Variants in HIVEP3 observed in about 807,000 individuals in gnomAD.
HIVEP3 encodes transcription factor HIVEP3.
In HIVEP3, 49 loss-of-function variants were observed where a neutral mutation model predicts 152.8. The observed-to-expected ratio is 0.32, with a 90% CI of 0.26 to 0.41. The LOEUF (loss-of-function observed/expected upper bound fraction) is 0.41. HIVEP3 is among the 10% of genes least tolerant of loss of function. The pLI is 1.00. For synonymous variants in HIVEP3, 1,269 were observed against 1,289.0 expected, an observed-to-expected ratio of 0.98 and a Z score of 0.33; for missense variants, 2,790 against 3,103.3, an observed-to-expected ratio of 0.90 and a Z score of 2.40.
At chr1:41,691,489 G>A (rs912681180) in intron 2 of HIVEP3, among the ~76,000 whole-genome samples, 4 of 152,208 alleles carry the variant, frequency 2.6e-5, no homozygotes, top group Non-Finnish European at 5.9e-5. Context: ...AGGTGATTAG[G>A]TTCTGGGGAC....
chr1:41,875,398 C>A (rs1644152569), intron 1 of HIVEP3, among the ~76,000 whole-genome samples: 1 of 152,256 alleles, frequency 6.6e-6, no homozygotes, highest in Non-Finnish European at 1.5e-5. Context: ...TGCAAAACAG[C>A]CTTCCAACTG....
rs550256445 is a variant in HIVEP3 at position 41,575,345 on chromosome 1, C to A, written c.5207+199G>T. ...AAATACCCAGCATCACCCATCCCCACCAAGAAGCCCCACGGCATTCTTAAA... is the reference window on the plus strand; with the variant it reads ...AAATACCCAGCATCACCCATCCCCAACAAGAAGCCCCACGGCATTCTTAAA... On this transcript the variant is annotated intron_variant, in intron 5 of 8. Coordinates refer to ENST00000372583, the MANE Select transcript of HIVEP3 (RefSeq NM_024503.5). Among the ~76,000 whole-genome samples, 13 of 152,302 alleles carry A rather than the reference C, an allele frequency of 8.5e-5. No individual in the cohort carries two copies. The South Asian group carries it at 1.2e-3, about 15-fold the overall frequency.
chr1:41,657,112 GC>G (rs1237276599), intron 2 of HIVEP3, among the ~76,000 whole-genome samples: 2 of 152,194 alleles, frequency 1.3e-5, no homozygotes. Flanking sequence ...CCAGAGCTGA[GC>G]CCCCAGAAGG....
At chr1:41,595,056 C>T (rs1644645465) in intron 3 of HIVEP3, among the ~76,000 whole-genome samples, 1 of 152,176 alleles carries the variant, frequency 6.6e-6, no homozygotes, top group Non-Finnish European at 1.5e-5. Flanking sequence ...ATTCCAAATC[C>T]ACTGAAATAG....
intron 1 of HIVEP3, among the ~76,000 whole-genome samples, chr1:41,870,600 T>G (rs1644062268): frequency 1.3e-5 from 2 of 152,252 alleles, no homozygotes; most frequent in African/African-American, 4.8e-5. Context: ...AAATGCACCC[T>G]GCTGTCTACT....
At chr1:41,745,930 C>T (rs1558232959) in intron 1 of HIVEP3, among the ~76,000 whole-genome samples, 1 of 152,210 alleles carries the variant, frequency 6.6e-6, no homozygotes, top group Non-Finnish European at 1.5e-5. Context: ...TGCCTGGCAT[C>T]AAGAATCCTC....
chr1:41,716,997 C>G (rs1646604549), intron 1 of HIVEP3, among the ~76,000 whole-genome samples: 2 of 152,242 alleles, frequency 1.3e-5, no homozygotes, highest in Non-Finnish European at 2.9e-5. Flanking sequence ...ACACAGCCAG[C>G]TCTGCCCAGG....
intron 2 of HIVEP3, among the ~76,000 whole-genome samples, chr1:41,694,743 A>G (rs933370175): frequency 6.6e-6 from 1 of 152,208 alleles, no homozygotes; most frequent in Non-Finnish European, 1.5e-5. Flanking sequence ...AGGAGAAGGA[A>G]CACAATTATT....
At chr1:41,942,147 T>C (rs1263427895) in intron 1 of HIVEP3, among the ~76,000 whole-genome samples, 1 of 152,200 alleles carries the variant, frequency 6.6e-6, no homozygotes, top group Non-Finnish European at 1.5e-5. Flanking sequence ...GCTTTGGCAG[T>C]CTCATGCAGT....
chr1:41,568,418 C>T (rs928664800), intron 5 of HIVEP3, among the ~76,000 whole-genome samples: 21 of 152,216 alleles, frequency 1.4e-4, no homozygotes, highest in African/African-American at 4.3e-4. Flanking sequence ...GGGAGCAGGG[C>T]GAGAGCCATA....
At chr1:41,648,612 T>A (rs1382870347) in intron 2 of HIVEP3, among the ~76,000 whole-genome samples, 2 of 152,252 alleles carry the variant, frequency 1.3e-5, no homozygotes, top group Admixed American at 6.5e-5. Context: ...TCTCTTTGTA[T>A]GTATTGGGAT....
At chr1:41,929,400 A>ATTG (rs967150687) in intron 1 of HIVEP3, among the ~76,000 whole-genome samples, 10 of 151,578 alleles carry the variant, frequency 6.6e-5, no homozygotes, top group Non-Finnish European at 1.3e-4. Flanking sequence ...GCATATTCCC[A>ATTG]TTGTTGTTGT....
At chr1:41,785,707 C>A (rs1161007721) in intron 1 of HIVEP3, among the ~76,000 whole-genome samples, 2 of 152,164 alleles carry the variant, frequency 1.3e-5, no homozygotes, top group African/African-American at 4.8e-5. Context: ...TAGAAAAATT[C>A]TTCTCTGGGC....
At chr1:41,991,079 A>C (rs1181623560) in intron 1 of HIVEP3, among the ~76,000 whole-genome samples, 5 of 148,492 alleles carry the variant, frequency 3.4e-5, no homozygotes, top group African/African-American at 1.2e-4. Context: ...CCCTAACATC[A>C]CAATTAAAAG....
intron 3 of HIVEP3, among the ~76,000 whole-genome samples, chr1:41,627,701 G>A (rs181944645): frequency 3.5e-4 from 54 of 152,264 alleles, no homozygotes; most frequent in Non-Finnish European, 4.9e-4. Context: ...GCCAGGCTGG[G>A]AAATGTTGCC....
At chr1:41,531,149 CAGGAGAGAAGGGAGGA>C (rs1643233912) in intron 5 of HIVEP3, among the ~76,000 whole-genome samples, 4 of 134,432 alleles carry the variant, frequency 3.0e-5, no homozygotes, top group African/African-American at 8.6e-5. Flanking sequence ...AGATGGAGGA[CAGGAGAGAAGGGAGGA>C]CAGGAGCGAA....
chr1:41,826,558 G>T (rs1397338746), intron 1 of HIVEP3, among the ~76,000 whole-genome samples: 1 of 152,210 alleles, frequency 6.6e-6, no homozygotes, highest in Non-Finnish European at 1.5e-5. Context: ...TGGACAGTCT[G>T]ACTTCCAGTG....
At chr1:41,769,877 T>C (rs961489606) in intron 1 of HIVEP3, among the ~76,000 whole-genome samples, 2 of 152,148 alleles carry the variant, frequency 1.3e-5, no homozygotes, top group Non-Finnish European at 2.9e-5. Flanking sequence ...AATGAAAAAT[T>C]GAGGAAAGTA....
chr1:41,700,433 A>C (rs945598010), intron 2 of HIVEP3, among the ~76,000 whole-genome samples: 7 of 152,150 alleles, frequency 4.6e-5, no homozygotes, highest in Non-Finnish European at 5.9e-5. Context: ...TCAGTCCAGG[A>C]TCTCTGTGGC....
Sources: allele counts gnomAD v4.1 joint callset (sites outside exome capture counted in the v4.1 genomes callset), GRCh38; gene constraint gnomAD v4.1.1; transcripts MANE v1.5; gene names NCBI Gene and HGNC (gene_info 2026-07-23, HGNC 2026-07-21).